The following PRSS23 variants were observed in gnomAD, a reference collection of about 807,000 sequenced individuals.
PRSS23 encodes serine protease 23.
PRSS23 carries 25 observed loss-of-function variants against 34.7 expected under a neutral mutation model. That is an observed-to-expected ratio of 0.72 (90% CI 0.53 to 1.01). PRSS23 has a LOEUF of 1.01. PRSS23 is among the 50% of genes least tolerant of loss of function. PRSS23 has a pLI of 0.00. For missense variants in PRSS23, 445 were observed against 475.6 expected (o/e 0.94, Z 0.60); for synonymous variants, 176 against 186.6 (o/e 0.94, Z 0.46).
chr11:86,878,942 G>A (rs1170311677), intron 2 of PRSS23, among the ~76,000 whole-genome samples: 25 of 129,916 alleles, frequency 1.9e-4, no homozygotes, highest in Middle Eastern at 4.6e-3. Flanking sequence ...AGTGAGGAGC[G>A]TCTCTGCCCG....
intron 2 of PRSS23, among the ~76,000 whole-genome samples, chr11:86,844,385 C>T (rs568190475): frequency 6.8e-6 from 1 of 146,762 alleles, no homozygotes; most frequent in African/African-American, 2.6e-5. Flanking sequence ...AGGTTGTGGA[C>T]ATGTACCCTA....
At chr11:86,951,712 G>A (rs1056694418) in exon 3 of PRSS23, 1 of 1,614,128 alleles carries the variant, frequency 6.2e-7, no homozygotes, top group Non-Finnish European at 8.5e-7. Context: ...AGGCTGCAAT[G>A]TGGAAATAAG....
At chr11:86,873,502 C>T (rs1471095447) in intron 2 of PRSS23, among the ~76,000 whole-genome samples, 6 of 151,784 alleles carry the variant, frequency 4.0e-5, no homozygotes, top group Non-Finnish European at 7.4e-5. Context: ...AGGCTGGTCT[C>T]GAACTCCTGA....
Position 86,881,255 on chromosome 11 carries a change from C to CTT in PRSS23, c.206+57677_206+57678dup, listed in dbSNP as rs60383309. 8.0e-5 allele frequency among the ~76,000 whole-genome samples: 11 copies of CTT among 138,062 alleles called. No individual in the cohort carries two copies. The East Asian group carries it at 1.5e-3, about 18-fold the overall frequency. The allele number at this position is 138,062 out of a possible 152,430, so 90.6% of individuals were successfully genotyped here. A position where few individuals can be genotyped will look rare whatever the true frequency, so the allele number is the denominator to read the frequency against. Reference sequence around the variant, plus strand: ...CAGGTAGAAGAAACTTTGTTGAGTGCTTTTTTTTTTTTTTTTATCATGAAA... The same window carrying CTT: ...CAGGTAGAAGAAACTTTGTTGAGTGCTTTTTTTTTTTTTTTTTTATCATGAAA... On this transcript the variant is annotated intron_variant, in intron 2 of 2. Coordinates refer to the PRSS23 transcript ENST00000533902.
intron 2 of PRSS23, chr11:86,938,907 A>G: frequency 2.8e-6 from 1 of 353,530 alleles, no homozygotes; most frequent in East Asian, 8.8e-5. Flanking sequence ...AGTAAGACAT[A>G]TACACCAGAA....
chr11:86,885,015 A>G (rs1441920298), intron 2 of PRSS23, among the ~76,000 whole-genome samples: 2 of 152,324 alleles, frequency 1.3e-5, no homozygotes, highest in South Asian at 2.1e-4. Context: ...ATTTTATTAT[A>G]TTGTGCTCAT....
At chr11:86,877,106 A>G (rs1167092945) in intron 2 of PRSS23, among the ~76,000 whole-genome samples, 1 of 152,202 alleles carries the variant, frequency 6.6e-6, no homozygotes, top group African/African-American at 2.4e-5. Flanking sequence ...AATGTGCAGT[A>G]TAAGTGTTTA....
At chr11:86,939,426 A>ATATATATATATATTT in intron 2 of PRSS23, among the ~76,000 whole-genome samples, 21 of 94,064 alleles carry the variant, frequency 2.2e-4, no homozygotes, top group African/African-American at 5.3e-4. Context: ...ATATATATAT[A>ATATATATATATATTT]TTTTTTAACA....
chr11:86,873,581 C>T (rs1948703325), intron 2 of PRSS23, among the ~76,000 whole-genome samples: 1 of 152,062 alleles, frequency 6.6e-6, no homozygotes, highest in South Asian at 2.1e-4. Flanking sequence ...CCGTGCCCAG[C>T]CTATATTCTT....
intron 2 of PRSS23, chr11:86,857,467 C>A: frequency 5.1e-6 from 2 of 391,208 alleles, no homozygotes; most frequent in South Asian, 4.2e-5. Flanking sequence ...AGATGGGTCA[C>A]AGAAAAAAAA....
At chr11:86,850,410 A>G (rs1948520088) in intron 2 of PRSS23, among the ~76,000 whole-genome samples, 1 of 152,146 alleles carries the variant, frequency 6.6e-6, no homozygotes, top group African/African-American at 2.4e-5. Flanking sequence ...TCCTATTTAC[A>G]GGGGGGACTG....
At position 86,817,183 on chromosome 11, in the gene PRSS23, C is replaced by T. The variant is rs1207420268; in HGVS notation, c.-11-6194C>T. On this transcript the variant is annotated intron_variant, in intron 1 of 2. Transcript: ENST00000533902. ...CCTTCTAACTGTGGGCTTCTGTTTC[C>T]CTCATGCTTTCTATTTCATGTATAG... Among the ~76,000 whole-genome samples the T allele has an allele frequency of 5.3e-5, 8 of 151,970 alleles. No homozygotes were observed. In the South Asian group the frequency reaches 6.2e-4, roughly 12 times the overall value.
At chr11:86,877,713 T>C (rs1209164603) in intron 2 of PRSS23, among the ~76,000 whole-genome samples, 10 of 152,182 alleles carry the variant, frequency 6.6e-5, no homozygotes, top group African/African-American at 2.4e-4. Flanking sequence ...GCCAGTGCCA[T>C]ACAGTCTTGA....
intron 2 of PRSS23, among the ~76,000 whole-genome samples, chr11:86,912,682 T>C (rs1830809749): frequency 6.6e-6 from 1 of 152,242 alleles, no homozygotes; most frequent in South Asian, 2.1e-4. Context: ...TAATTCATTA[T>C]AAGTCTATTC....
chr11:86,808,330 G>A lies in PRSS23; in HGVS notation c.687G>A (p.Val229=), dbSNP rs923050047. 15 of 1,614,166 alleles carry A rather than the reference G, an allele frequency of 9.3e-6. No homozygotes were observed. The highest frequency in any genetic ancestry group is 1.1e-5 in the Non-Finnish European group (13 of 1,180,046). The change falls in exon 2 of 2, where the codon GTG becomes GTA. Residue 229 remains valine, a synonymous_variant. Transcript: ENST00000280258. ...FQWIRVKRTH[V]PKGWIKGNAN... ...GGATCCGGGTGAAACGCACCCATGT[G>A]CCCAAGGGTTGGATCAAGGGCAATG...
upstream of PRSS23, among the ~76,000 whole-genome samples, chr11:86,799,777 C>CA (rs1236149350): frequency 6.6e-6 from 1 of 151,960 alleles, no homozygotes; most frequent in East Asian, 1.9e-4. Context: ...GGAGGTGGCT[C>CA]CACCAGCTGG....
At chr11:86,832,625 A>C (rs1292233238) in intron 2 of PRSS23, 3 of 490,922 alleles carry the variant, frequency 6.1e-6, no homozygotes, top group African/African-American at 3.9e-5. Flanking sequence ...CACCGTGTAC[A>C]TCATTGAGGC....
At chr11:86,939,426 A>ATATTTT in intron 2 of PRSS23, among the ~76,000 whole-genome samples, 1,402 of 92,584 alleles carry the variant, frequency 0.015, 50 homozygotes, top group Non-Finnish European at 0.025. Flanking sequence ...ATATATATAT[A>ATATTTT]TTTTTTAACA....
In PRSS23 at chr11:86,808,857, A is replaced by C; in HGVS notation, c.*62A>C. The C allele has an allele frequency of 6.9e-7, 1 of 1,456,414 alleles. No individual in the cohort carries two copies. Among genetic ancestry groups the C allele is most frequent in the Non-Finnish European group, 9.3e-7 (1 of 1,070,700 alleles). 90.2% of individuals were successfully genotyped at this position (1,456,414 alleles called of 1,614,324 possible). On this transcript the variant is annotated 3_prime_UTR_variant, in exon 2 of 2. Transcript: ENST00000280258. ...ATGTTCTTATTTTAGGAGAGGCCAA[A>C]TTGTTTTTTGTCATTGGCGTGCACA... is the stretch of plus-strand genomic sequence containing the variant.
Sources: allele counts gnomAD v4.1 joint callset (sites outside exome capture counted in the v4.1 genomes callset), GRCh38; gene constraint gnomAD v4.1.1; transcripts MANE v1.5; gene names NCBI Gene and HGNC (gene_info 2026-07-23, HGNC 2026-07-21).